The following LRCH2 variants were observed in gnomAD, a reference collection of about 807,000 sequenced individuals.
The protein encoded by LRCH2 is leucine-rich repeat and calponin homology domain-containing protein 2.
In LRCH2, 38 loss-of-function variants were observed where a neutral mutation model predicts 68.9. The ratio of observed to expected loss-of-function variants is 0.55; its 90% CI spans 0.43 to 0.72. The LOEUF (loss-of-function observed/expected upper bound fraction) is 0.72, where lower values mean the gene tolerates loss of function less well. Among genes scored for constraint, LRCH2 ranks in the 30% least tolerant of loss-of-function variants. LRCH2 has a pLI of 0.00. For missense variants in LRCH2, 528 were observed against 572.9 expected, an observed-to-expected ratio of 0.92 and a Z score of 0.80; for synonymous variants, 191 against 208.1, an observed-to-expected ratio of 0.92 and a Z score of 0.71.
chrX:115,114,135 C>G (rs1267250837), intron 20 of LRCH2, among the ~76,000 whole-genome samples: 6 of 111,361 alleles, frequency 5.4e-5, no homozygotes, highest in Admixed American at 9.6e-5. Flanking sequence ...AACTACTTTA[C>G]CAAATTAATT....
At chrX:115,170,582 A>G (rs1412385738) in intron 5 of LRCH2, 150 bp from the exon 6 acceptor site, 1 of 546,918 alleles carries the variant, frequency 1.8e-6, no homozygotes, top group African/African-American at 2.4e-5. Context: ...TTCTGACACC[A>G]GGTGGAAAAA....
chrX:115,207,444 T>TGG (rs1266875306), intron 1 of LRCH2, among the ~76,000 whole-genome samples: 1 of 111,008 alleles, frequency 9.0e-6, no homozygotes, highest in Non-Finnish European at 1.9e-5. Flanking sequence ...GGCTAAGAGG[T>TGG]GGGAGGATGG....
At chrX:115,144,565 CAA>C (rs59018534) in intron 14 of LRCH2, among the ~76,000 whole-genome samples, 4 of 95,998 alleles carry the variant, frequency 4.2e-5, no homozygotes. Flanking sequence ...TAGACTCCAC[CAA>C]AAAAAAAAAA....
At chrX:115,179,810 T>A in intron 3 of LRCH2, 59 bp from the exon 4 acceptor site, 1 of 463,432 alleles carries the variant, frequency 2.2e-6, no homozygotes, top group Non-Finnish European at 3.1e-6. Context: ...ATATATTATA[T>A]ATATATATTC....
chrX:115,114,059 A>C (rs1556523417), intron 20 of LRCH2, among the ~76,000 whole-genome samples: 1 of 111,366 alleles, frequency 9.0e-6, no homozygotes, highest in Non-Finnish European at 1.9e-5. Flanking sequence ...CTCCAAATAC[A>C]ATATCAACTG....
chrX:115,123,851 A>G, intron 17 of LRCH2, 94 bp downstream of exon 17: 2 of 508,310 alleles, frequency 3.9e-6, no homozygotes, highest in East Asian at 4.4e-5. Context: ...GAAAGAATCT[A>G]TGTGTACTTA....
intron 19 of LRCH2, 62 bp downstream of exon 19, chrX:115,122,696 TAA>T: frequency 8.5e-7 from 1 of 1,176,503 alleles, no homozygotes; most frequent in Non-Finnish European, 1.1e-6. Flanking sequence ...GTATATTATT[TAA>T]AGACAATTTT....
In LRCH2 at chrX:115,191,130, C is replaced by T. The variant is rs1474859646; in HGVS notation, c.350-2760G>A. 5 of 1,165,939 alleles carry T rather than the reference C, an allele frequency of 4.3e-6. No homozygotes were observed. The African/African-American group carries it at 9.0e-5, about 21-fold the overall frequency. ...ACCGAGGCCGCTCGCATGACGCCCA[C>T]AGTGGGGGCTGCTCTGCCGACGCCT... On this transcript the variant is annotated intron_variant, in intron 1 of 20. Coordinates refer to ENST00000317135, the MANE Select transcript of LRCH2 (RefSeq NM_020871.4).
At chrX:115,188,128 T>G in intron 2 of LRCH2, 98 bp downstream of exon 2, 1 of 584,602 alleles carries the variant, frequency 1.7e-6, no homozygotes, top group Non-Finnish European at 2.5e-6. Context: ...TTGAGATAAA[T>G]TTAAGCTACA....
At chrX:115,117,798 C>G (rs1054258949) in intron 20 of LRCH2, among the ~76,000 whole-genome samples, 1 of 110,736 alleles carries the variant, frequency 9.0e-6, no homozygotes, top group Non-Finnish European at 1.9e-5. Context: ...AGAAGGATTG[C>G]AAAGACACAT....
chrX:115,160,120 A>G (rs1420689653), intron 11 of LRCH2, among the ~76,000 whole-genome samples: 1 of 110,360 alleles, frequency 9.1e-6, no homozygotes, highest in African/African-American at 3.3e-5. Flanking sequence ...GTTCAAGACC[A>G]GCCTGGCCAA....
chrX:115,209,608 C>G (rs1015160204), intron 1 of LRCH2, among the ~76,000 whole-genome samples: 28 of 111,755 alleles, frequency 2.5e-4, no homozygotes, highest in African/African-American at 8.5e-4. Context: ...TAAATTGGTA[C>G]CAGTAGAGTG....
At chrX:115,179,803 T>C (rs2072678070) in intron 3 of LRCH2, 52 bp from the exon 4 acceptor site, 1 of 510,872 alleles carries the variant, frequency 2.0e-6, no homozygotes, top group Admixed American at 5.8e-5. Flanking sequence ...GAAATACATA[T>C]ATTATATATA....
intron 15 of LRCH2, among the ~76,000 whole-genome samples, chrX:115,129,227 G>A (rs2072223210): frequency 9.0e-6 from 1 of 110,916 alleles, no homozygotes; most frequent in African/African-American, 3.3e-5. Context: ...GACAGCTGGT[G>A]AAGACATGCT....
Position 115,126,578 on chromosome X carries a change from TCACTACAGA to T in LRCH2, c.1791+256_1791+264del, listed in dbSNP as rs781883475. On this transcript the variant is annotated intron_variant, in intron 16 of 20. Transcript: ENST00000317135. Reference sequence around the variant, plus strand: ...TGCAATCTACAGACACTTCCAAAAATCACTACAGACACTACAGACACTACAGAAAATCAT... The same window carrying T: ...TGCAATCTACAGACACTTCCAAAAATCACTACAGACACTACAGAAAATCAT... 1.0e-3 allele frequency: 210 copies of T among 209,547 alleles called. 1 individual carries two copies. The highest frequency in any genetic ancestry group is 1.6e-3 in the Non-Finnish European group (184 of 115,771). The allele number at this position is 209,547 out of a possible 1,213,427, so 17.3% of individuals were successfully genotyped here.
At chrX:115,168,795 GT>G (rs1348673195) in intron 6 of LRCH2, among the ~76,000 whole-genome samples, 4 of 110,751 alleles carry the variant, frequency 3.6e-5, no homozygotes, top group African/African-American at 9.8e-5. Flanking sequence ...AGCCAAAATA[GT>G]TTTTTTTAAA....
chrX:115,212,232 C>CA (rs2073012529), intron 1 of LRCH2, among the ~76,000 whole-genome samples: 1 of 111,397 alleles, frequency 9.0e-6, no homozygotes, highest in East Asian at 2.8e-4. Context: ...GTCAGTTCCC[C>CA]GTACTCCCCA....
At position 115,112,452 on chromosome X, in the gene LRCH2, G is replaced by A. The variant is rs1343613140; in HGVS notation, c.*764C>T. ...ACAACATGAAATAACCAATTTAAGGGAAACTGCAATGGACTAACTAAAAAA... is the reference window on the plus strand; with the variant it reads ...ACAACATGAAATAACCAATTTAAGGAAAACTGCAATGGACTAACTAAAAAA... On this transcript the variant is annotated 3_prime_UTR_variant, in exon 21 of 21. Transcript: ENST00000317135. 4 of 111,577 alleles carry A rather than the reference G, an allele frequency of 3.6e-5. No homozygotes were observed. The highest frequency in any genetic ancestry group is 1.3e-4 in the African/African-American group (4 of 30,724). The allele number at this position is 111,577 out of a possible 1,213,427, so 9.2% of individuals were successfully genotyped here. A position where few individuals can be genotyped will look rare whatever the true frequency, so the allele number is the denominator to read the frequency against.
chrX:115,210,389 C>T (rs1451238965), intron 1 of LRCH2, among the ~76,000 whole-genome samples: 3 of 112,071 alleles, frequency 2.7e-5, no homozygotes, highest in African/African-American at 9.7e-5. Context: ...GGGTGCAAGC[C>T]CCAAGCCTTG....
Sources: gnomAD v4.1 joint callset for allele counts (sites outside exome capture counted in the v4.1 genomes callset) on GRCh38, gnomAD v4.1.1 for gene constraint, MANE v1.5 for transcripts, NCBI Gene and HGNC (gene_info 2026-07-23, HGNC 2026-07-21) for gene names.